VCAN: variants seen among roughly 807,000 people sequenced by gnomAD.
VCAN encodes versican core protein.
Under a neutral mutation model 245.5 loss-of-function variants are expected in VCAN, and 44 were observed. That is an observed-to-expected ratio of 0.18 (90% CI 0.14 to 0.23). The LOEUF (loss-of-function observed/expected upper bound fraction) is 0.23, where lower values mean the gene tolerates loss of function less well. VCAN is among the 10% of genes least tolerant of loss of function. VCAN has a pLI of 1.00. For synonymous variants in VCAN, 1,413 were observed against 1,437.0 expected (o/e 0.98, Z 0.38); for missense variants, 3,793 against 4,057.9 (o/e 0.93, Z 1.77).
At chr5:83,498,138 T>A (rs1052271576) in intron 5 of VCAN, among the ~76,000 whole-genome samples, 2 of 152,144 alleles carry the variant, frequency 1.3e-5, no homozygotes, top group Non-Finnish European at 2.9e-5. Flanking sequence ...CTCTGTTTTT[T>A]TACACAAGCT....
chr5:83,514,301 T>C (rs531086642), intron 6 of VCAN, among the ~76,000 whole-genome samples: 59 of 152,288 alleles, frequency 3.9e-4, no homozygotes, highest in African/African-American at 1.4e-3. Context: ...GTTATTATAT[T>C]CAGAATTCAT....
chr5:83,503,954 A>G (rs539186039), intron 5 of VCAN, among the ~76,000 whole-genome samples: 2 of 152,272 alleles, frequency 1.3e-5, no homozygotes, highest in South Asian at 4.1e-4. Context: ...TGTTTTCATC[A>G]TTGCTTGCCA....
chr5:83,529,839 A>G (rs919059218), intron 7 of VCAN, among the ~76,000 whole-genome samples: 12 of 152,178 alleles, frequency 7.9e-5, no homozygotes, highest in African/African-American at 2.7e-4. Context: ...GATACATAGT[A>G]ATGACTTAGT....
chr5:83,499,652 G>GTA (rs1745269825), intron 5 of VCAN, among the ~76,000 whole-genome samples: 1 of 152,008 alleles, frequency 6.6e-6, no homozygotes, highest in African/African-American at 2.4e-5. Context: ...CCTTCCCAGA[G>GTA]ATACTCCTTT....
chr5:83,479,517 T>C (rs1744540084), intron 1 of VCAN, among the ~76,000 whole-genome samples: 1 of 152,066 alleles, frequency 6.6e-6, no homozygotes, highest in Admixed American at 6.6e-5. Flanking sequence ...TTCACTGGAG[T>C]AGAAGGCTAA....
Position 83,520,954 on chromosome 5 carries a change from T to C in VCAN, c.2648T>C (p.Phe883Ser), listed in dbSNP as rs1746067863. Residue 883 changes from phenylalanine to serine, a missense_variant, in exon 7 of 15, where the codon TTT becomes TCT. By Grantham distance (155) the Phe-to-Ser change is radical. This residue lies in a region of VCAN where 3,182 missense variants were observed against 3,250.3 expected (regional missense o/e 0.98). Transcript: ENST00000265077. Reference protein sequence around the residue: ...IAAHGKFTIRFQPTTSTGIAE... With the variant: ...IAAHGKFTIRSQPTTSTGIAE... ...GCCCATGGAAAATTCACAATTAGAT[T>C]TCAGCCAACTACATCAACTGGTATT... The C allele has an allele frequency of 8.1e-6, 13 of 1,614,104 alleles. No individual in the cohort carries two copies. Among genetic ancestry groups the C allele is most frequent in the Non-Finnish European group, 9.3e-6 (11 of 1,179,972 alleles).
rs2112409699 is a variant in VCAN, at chr5:83,520,644, G to T, written c.2338G>T (p.Asp780Tyr). The change falls in exon 7 of 15, where the codon GAT becomes TAT. Residue 780 changes from aspartate (D) to tyrosine (Y), a missense_variant. By Grantham distance (160) the Asp-to-Tyr change is radical. Coordinates refer to ENST00000265077, the MANE Select transcript of VCAN (RefSeq NM_004385.5). ...FTATPGTTKY[D>Y]ENITTVLLAH... ...AGCAACTCCAGGTACTACAAAATAT[G>T]ATGAAAATATTACAACAGTGCTTTT... 1 of 1,613,990 alleles carries T rather than the reference G, an allele frequency of 6.2e-7. No homozygotes were observed. Among genetic ancestry groups the T allele is most frequent in the Non-Finnish European group, 8.5e-7 (1 of 1,179,986 alleles).
chr5:83,507,171 G>C (rs990393363), intron 5 of VCAN, among the ~76,000 whole-genome samples: 2 of 152,196 alleles, frequency 1.3e-5, no homozygotes, highest in African/African-American at 4.8e-5. Context: ...TTACAACTTT[G>C]ATAATTGTCC....
Position 83,540,518 on chromosome 5 carries a change from A to G in VCAN, c.7515A>G (p.Thr2505=). The G allele has an allele frequency of 3.7e-6, 6 of 1,613,974 alleles. No individual in the cohort carries two copies. Among genetic ancestry groups the G allele is most frequent in the Non-Finnish European group, 5.1e-6 (6 of 1,179,950 alleles). ...QNKSSPDPTS[T]LSNTVSYERS... ...AAAGCTCCCCTGATCCAACTAGCACACTGTCAAATACAGTGTCATATGAGA... is the reference window on the plus strand; with the variant it reads ...AAAGCTCCCCTGATCCAACTAGCACGCTGTCAAATACAGTGTCATATGAGA... Residue 2505 remains threonine, a synonymous_variant, in exon 8 of 15, where the codon ACA becomes ACG. Transcript: ENST00000265077.
chr5:83,555,620 G>C (rs1243197511), intron 12 of VCAN, among the ~76,000 whole-genome samples: 2 of 152,168 alleles, frequency 1.3e-5, no homozygotes, highest in Admixed American at 1.3e-4. Context: ...TAGGTTCTTA[G>C]AACAGGTGAA....
chr5:83,472,805 G>A (rs549513760), intron 1 of VCAN, among the ~76,000 whole-genome samples: 12 of 152,322 alleles, frequency 7.9e-5, no homozygotes, highest in South Asian at 4.1e-4. Context: ...GGAGCCCCGC[G>A]GAGGTCTGGG....
Position 83,539,221 on chromosome 5 carries a change from T to C in VCAN, c.6218T>C (p.Val2073Ala), listed in dbSNP as rs1248791396. Residue 2073 changes from valine to alanine, a missense_variant, in exon 8 of 15, where the codon GTA (valine) becomes GCA (alanine). By Grantham distance (64) the Val-to-Ala change is moderately conservative. Coordinates refer to ENST00000265077, the MANE Select transcript of VCAN (RefSeq NM_004385.5). ...TAEVEGTKAP[V>A]EKEEVKVSGT... ...GAAGTGGAAGGTACGAAAGCTCCAG[T>C]AGAGAAGGAGGAAGTAAAGGTCAGT... 4 of 1,613,896 alleles carry C rather than the reference T, an allele frequency of 2.5e-6. No homozygotes were observed. The highest frequency in any genetic ancestry group is 2.2e-5 in the East Asian group (1 of 44,852).
At chr5:83,546,317 T>A (rs1747217682) in intron 9 of VCAN, among the ~76,000 whole-genome samples, 1 of 152,130 alleles carries the variant, frequency 6.6e-6, no homozygotes, top group Admixed American at 6.6e-5. Flanking sequence ...TGAAATATGT[T>A]GTCCAGATGT....
At chr5:83,570,653 G>A (rs1227263176) in intron 12 of VCAN, among the ~76,000 whole-genome samples, 1 of 151,958 alleles carries the variant, frequency 6.6e-6, no homozygotes, top group East Asian at 1.9e-4. Context: ...ATTGTGCCAA[G>A]TATTAGAGAT....
intron 1 of VCAN, among the ~76,000 whole-genome samples, chr5:83,477,684 A>G (rs1240025967): frequency 6.6e-6 from 1 of 152,210 alleles, no homozygotes; most frequent in Non-Finnish European, 1.5e-5. Context: ...ATATATTTGG[A>G]AAACATCTAC....
At position 83,471,847 on chromosome 5, in the gene VCAN, G is replaced by C. The variant is rs1392910050; in HGVS notation, c.-183G>C. The C allele has an allele frequency of 1.8e-5, 7 of 397,944 alleles. No individual in the cohort carries two copies. Among genetic ancestry groups the C allele is most frequent in the Non-Finnish European group, 2.7e-5 (6 of 225,884 alleles). The allele number at this position is 397,944 out of a possible 1,614,324, so 24.7% of individuals were successfully genotyped here. A position where few individuals can be genotyped will look rare whatever the true frequency, so the allele number is the denominator to read the frequency against. On this transcript the variant is annotated 5_prime_UTR_variant, in exon 1 of 15. Coordinates refer to ENST00000265077, the MANE Select transcript of VCAN (RefSeq NM_004385.5). ...ATTAGGTGTTGTGGACAGGAGCTGG[G>C]ACCAAGATCTTCGGCCAGCCCCGCA...
chr5:83,473,358 G>A (rs2112325169), intron 1 of VCAN, among the ~76,000 whole-genome samples: 1 of 151,934 alleles, frequency 6.6e-6, no homozygotes, highest in East Asian at 2.0e-4. Context: ...CATGTCCCTG[G>A]GAGATGCTGC....
intron 13 of VCAN, among the ~76,000 whole-genome samples, chr5:83,573,899 T>G (rs1490671805): frequency 6.6e-6 from 1 of 152,150 alleles, no homozygotes; most frequent in East Asian, 1.9e-4. Context: ...CTTGAGAAAT[T>G]TTATCTTTCA....
chr5:83,489,278 G>A (rs1250471109), intron 2 of VCAN, among the ~76,000 whole-genome samples: 2 of 152,212 alleles, frequency 1.3e-5, no homozygotes, highest in Non-Finnish European at 2.9e-5. Flanking sequence ...ATAGAGAGGA[G>A]AGTGGGAGAG....
Sources: gnomAD v4.1 joint callset for allele counts (sites outside exome capture counted in the v4.1 genomes callset) on GRCh38, gnomAD v4.1.1 for gene constraint, gnomAD v4.1.1 regional missense constraint, MANE v1.5 for transcripts, NCBI Gene and HGNC (gene_info 2026-07-23, HGNC 2026-07-21) for gene names.